Variants in CENPP observed in about 807,000 individuals in gnomAD.
CENPP encodes centromere protein P.
A neutral mutation model predicts 35.6 loss-of-function variants in CENPP; 24 were observed. The observed-to-expected ratio is 0.67, with a 90% CI of 0.49 to 0.95. The LOEUF (loss-of-function observed/expected upper bound fraction) is 0.95, where lower values mean the gene tolerates loss of function less well. CENPP is among the 40% of genes least tolerant of loss of function. CENPP has a pLI of 0.00. For missense variants in CENPP, 332 were observed against 345.3 expected, an observed-to-expected ratio of 0.96 and a Z score of 0.31; for synonymous variants, 120 against 125.5, an observed-to-expected ratio of 0.96 and a Z score of 0.29.
chr9:92,459,361 C>T (rs2131040581), intron 5 of CENPP, among the ~76,000 whole-genome samples: 1 of 152,368 alleles, frequency 6.6e-6, no homozygotes, highest in South Asian at 2.1e-4. Context: ...CTGAAATTAA[C>T]TGTGCCAGCG....
intron 4 of CENPP, 24 bp downstream of exon 4, chr9:92,345,811 T>G (rs1233020174): frequency 1.4e-5 from 20 of 1,437,538 alleles, no homozygotes; most frequent in African/African-American, 2.8e-5. Flanking sequence ...CAAACTTACT[T>G]TTTTAGAGAA....
intron 5 of CENPP, among the ~76,000 whole-genome samples, chr9:92,381,702 T>G (rs1421983363): frequency 6.6e-6 from 1 of 152,216 alleles, no homozygotes; most frequent in Non-Finnish European, 1.5e-5. Flanking sequence ...TGTACTGATA[T>G]CTGTTTGCAC....
chr9:92,533,305 A>AAC (rs1289680784), intron 5 of CENPP, among the ~76,000 whole-genome samples: 72 of 37,930 alleles, frequency 1.9e-3, no homozygotes, highest in Non-Finnish European at 2.1e-3. Flanking sequence ...GTCTCAAACA[A>AAC]AAAAAAAAAA....
intron 5 of CENPP, chr9:92,385,778 C>G: frequency 6.2e-7 from 1 of 1,613,880 alleles, no homozygotes; most frequent in African/African-American, 1.3e-5. Flanking sequence ...GTAATTGAAG[C>G]TATGTTGTTG....
At chr9:92,341,545 A>G (rs1043329004) in intron 3 of CENPP, 1 of 152,226 alleles carries the variant, frequency 6.6e-6, no homozygotes, top group African/African-American at 2.4e-5. Context: ...AAAAATAGAA[A>G]TGAACCTATG....
At chr9:92,567,391 T>TATATATATATATATATATATATATATAG (rs374567670) in intron 5 of CENPP, among the ~76,000 whole-genome samples, 1 of 98,392 alleles carries the variant, frequency 1.0e-5, no homozygotes, top group East Asian at 2.2e-4. Flanking sequence ...TATATATATA[T>TATATATATATATATATATATATATATAG]ATATAGATAT....
At chr9:92,582,659 A>G (rs1210074339) in intron 5 of CENPP, among the ~76,000 whole-genome samples, 2 of 151,422 alleles carry the variant, frequency 1.3e-5, no homozygotes, top group Admixed American at 6.6e-5. Context: ...ACCCCATTCC[A>G]TATTCCTCAT....
intron 4 of CENPP, among the ~76,000 whole-genome samples, chr9:92,363,225 A>C (rs978900939): frequency 1.4e-4 from 7 of 49,102 alleles, no homozygotes; most frequent in Non-Finnish European, 2.9e-4. Context: ...ATATGTATTT[A>C]TACATATATA....
chr9:92,425,877 G>A (rs150842395), intron 5 of CENPP, among the ~76,000 whole-genome samples: 2 of 152,260 alleles, frequency 1.3e-5, no homozygotes, highest in East Asian at 3.9e-4. Flanking sequence ...GCAAATCTGT[G>A]TACTTTTTCA....
At chr9:92,582,614 C>T (rs1026817468) in intron 5 of CENPP, among the ~76,000 whole-genome samples, 20 of 150,800 alleles carry the variant, frequency 1.3e-4, no homozygotes, top group African/African-American at 3.6e-4. Flanking sequence ...TGTTCAATAA[C>T]GGTGTCCTTT....
chr9:92,462,861 A>G (rs1271351851), intron 5 of CENPP, among the ~76,000 whole-genome samples: 1 of 152,232 alleles, frequency 6.6e-6, no homozygotes, highest in Non-Finnish European at 1.5e-5. Flanking sequence ...CATCATACAT[A>G]CAAAAATCAC....
intron 5 of CENPP, among the ~76,000 whole-genome samples, chr9:92,416,351 C>T (rs904550470): frequency 7.2e-5 from 11 of 151,880 alleles, no homozygotes; most frequent in East Asian, 3.9e-4. Flanking sequence ...CCACCCCACC[C>T]GCCTTAGCCT....
chr9:92,340,208 G>T (rs1025962259), intron 3 of CENPP: 1 of 152,382 alleles, frequency 6.6e-6, no homozygotes, highest in Non-Finnish European at 1.5e-5. Flanking sequence ...AATTAGTCTT[G>T]TCCTTGAGAG....
intron 4 of CENPP, among the ~76,000 whole-genome samples, chr9:92,370,611 G>C (rs1000386624): frequency 6.6e-6 from 1 of 152,048 alleles, no homozygotes; most frequent in African/African-American, 2.4e-5. Flanking sequence ...CTCCCAAGTA[G>C]CTGGGAACAC....
At chr9:92,380,679 T>A (rs1588074614) in intron 5 of CENPP, among the ~76,000 whole-genome samples, 1 of 152,214 alleles carries the variant, frequency 6.6e-6, no homozygotes, top group East Asian at 1.9e-4. Context: ...CCTTGAGGTG[T>A]TCTCATGATT....
At chr9:92,390,349 C>A (rs563500324) in intron 5 of CENPP, among the ~76,000 whole-genome samples, 17 of 152,254 alleles carry the variant, frequency 1.1e-4, no homozygotes, top group African/African-American at 3.9e-4. Context: ...GATGGTCAGG[C>A]AGTTTGAAAG....
intron 4 of CENPP, among the ~76,000 whole-genome samples, chr9:92,371,038 C>G (rs1367975560): frequency 6.6e-6 from 1 of 152,030 alleles, no homozygotes; most frequent in Non-Finnish European, 1.5e-5. Flanking sequence ...TTTATCTTTT[C>G]AAATAACCAA....
intron 5 of CENPP, among the ~76,000 whole-genome samples, chr9:92,548,634 T>C (rs940748285): frequency 6.6e-6 from 1 of 152,158 alleles, no homozygotes; most frequent in African/African-American, 2.4e-5. Flanking sequence ...TATGTAAATA[T>C]CAAGTATATT....
At chr9:92,446,826 AATAG>A (rs1844563663) in intron 5 of CENPP, among the ~76,000 whole-genome samples, 2 of 151,234 alleles carry the variant, frequency 1.3e-5, no homozygotes, top group African/African-American at 4.9e-5. Context: ...AAAAAAAAAA[AATAG>A]AAAAGAAAAG....
Sources: allele counts gnomAD v4.1 joint callset (sites outside exome capture counted in the v4.1 genomes callset), GRCh38; gene constraint gnomAD v4.1.1; transcripts MANE v1.5; gene names NCBI Gene and HGNC (gene_info 2026-07-23, HGNC 2026-07-21).